The following NTMT1 variants were observed in gnomAD, a reference collection of about 807,000 sequenced individuals.
NTMT1 encodes N-terminal Xaa-Pro-Lys N-methyltransferase 1.
A neutral mutation model predicts 17.5 loss-of-function variants in NTMT1; 8 were observed. The ratio of observed to expected loss-of-function variants is 0.46; its 90% CI spans 0.27 to 0.82. The LOEUF (loss-of-function observed/expected upper bound fraction) is 0.82, where lower values mean the gene tolerates loss of function less well. NTMT1 is among the 40% of genes least tolerant of loss of function. NTMT1 has a pLI of 0.15. For missense variants in NTMT1, 221 were observed against 303.5 expected, an observed-to-expected ratio of 0.73 and a Z score of 2.02; for synonymous variants, 128 against 126.8, an observed-to-expected ratio of 1.01 and a Z score of -0.06.
At chr9:129,625,920 G>T (rs1830867433), upstream of NTMT1, among the ~76,000 whole-genome samples, 2 of 151,452 alleles carry the variant, frequency 1.3e-5, no homozygotes. Context: ...GCTGACGCAG[G>T]AGAATCGCTG....
At chr9:129,611,320 G>A (rs946539758) in intron 1 of NTMT1, among the ~76,000 whole-genome samples, 2 of 152,192 alleles carry the variant, frequency 1.3e-5, no homozygotes, top group African/African-American at 4.8e-5. Context: ...AAGAGGCGGC[G>A]GCTCAAACTT....
At chr9:129,615,589 C>G (rs1438459497) in intron 1 of NTMT1, 2 of 1,606,128 alleles carry the variant, frequency 1.2e-6, no homozygotes, top group Non-Finnish European at 1.7e-6. Flanking sequence ...GAGCCTTCCC[C>G]CGAGGGGTTG....
intron 1 of NTMT1, among the ~76,000 whole-genome samples, chr9:129,611,436 T>C (rs962813640): frequency 2.0e-5 from 3 of 152,174 alleles, no homozygotes; most frequent in African/African-American, 7.2e-5. Context: ...ATCCACCCCC[T>C]CATCCCCAGA....
At chr9:129,635,180 C>CT in intron 3 of NTMT1, 28 bp from the exon 4 acceptor site, 1 of 1,594,742 alleles carries the variant, frequency 6.3e-7, no homozygotes, top group Non-Finnish European at 8.5e-7. Flanking sequence ...GCATGGTGCC[C>CT]TGGTAACCTT....
intron 1 of NTMT1, among the ~76,000 whole-genome samples, chr9:129,631,685 C>T (rs562641985): frequency 1.6e-4 from 24 of 152,300 alleles, no homozygotes; most frequent in Admixed American, 2.0e-4. Flanking sequence ...AACTGGCAGC[C>T]GCGAGGGCTG....
At position 129,619,677 on chromosome 9, in the gene NTMT1, C is replaced by G. The variant is rs529006611; in HGVS notation, c.-55+10499C>G. 3.1e-6 allele frequency: 5 copies of G among 1,609,396 alleles called. No individual in the cohort carries two copies. In the South Asian group the frequency reaches 3.3e-5, roughly 11 times the overall value. ...GCCACATCTGGCATGAGTGGCCAGG[C>G]TGTCCCGCCCTGGAAACATCGATGG... On this transcript the variant is annotated intron_variant, in intron 1 of 3. Transcript: ENST00000372486.
intron 1 of NTMT1, among the ~76,000 whole-genome samples, chr9:129,619,234 C>T (rs10988453): frequency 0.56 from 84,338 of 151,880 alleles, 24,155 homozygotes; most frequent in Non-Finnish European, 0.65. Flanking sequence ...GAGATGGATG[C>T]AAAGATGGAT....
Position 129,635,421 on chromosome 9 carries a change from TC to T in NTMT1, c.633del (p.Asp212MetfsTer11), listed in dbSNP as rs745394326. The T allele has an allele frequency of 1.2e-6, 2 of 1,612,786 alleles. No individual in the cohort carries two copies. Among genetic ancestry groups the T allele is most frequent in the Non-Finnish European group, 1.7e-6 (2 of 1,179,920 alleles). Reference sequence around the variant, plus strand: ...CTGGCCGAGGAGAGGCAGGAGAACCTCCCCGATGAGATCTACCATGTCTATA... The same window carrying T: ...CTGGCCGAGGAGAGGCAGGAGAACCTCCCGATGAGATCTACCATGTCTATA... Reference protein sequence around the residue: ...SLLAEERQENLPDEIYHVYSF... With the variant: ...SLLAEERQENXPDEIYHVYSF... On this transcript the variant is annotated frameshift_variant, in exon 4 of 4. Transcript: ENST00000372483. LOFTEE classifies it high-confidence loss of function.
intron 1 of NTMT1, chr9:129,619,804 C>G: frequency 1.2e-6 from 2 of 1,614,032 alleles, no homozygotes; most frequent in Non-Finnish European, 1.7e-6. Flanking sequence ...TCTAATACAC[C>G]CCTTTGATGT....
Position 129,635,571 on chromosome 9 carries a change from A to G in NTMT1, c.*107A>G. The G allele has an allele frequency of 1.5e-6, 2 of 1,313,210 alleles. No homozygotes were observed. The highest frequency in any genetic ancestry group is 2.1e-6 in the Non-Finnish European group (2 of 953,206). 81.3% of individuals were successfully genotyped at this position (1,313,210 alleles called of 1,614,324 possible). On this transcript the variant is annotated 3_prime_UTR_variant, in exon 4 of 4. Coordinates refer to ENST00000372483, the MANE Select transcript of NTMT1 (RefSeq NM_014064.4). ...GGCGGTTCGTGAGTGTCGAGGCACCACTAAATATAGCTGTCTGCCGTCCAC... is the reference window on the plus strand; with the variant it reads ...GGCGGTTCGTGAGTGTCGAGGCACCGCTAAATATAGCTGTCTGCCGTCCAC...
At chr9:129,634,815 C>T (rs1831426040) in intron 3 of NTMT1, 2 of 255,204 alleles carry the variant, frequency 7.8e-6, no homozygotes, top group Non-Finnish European at 1.5e-5. Context: ...TTTGTGGTCT[C>T]AGAAGCCTTT....
At chr9:129,628,348 A>G (rs926821609) in intron 1 of NTMT1, among the ~76,000 whole-genome samples, 3 of 152,164 alleles carry the variant, frequency 2.0e-5, no homozygotes, top group Non-Finnish European at 4.4e-5. Flanking sequence ...CCCGGCCAGG[A>G]TGTGCCTCCC....
Position 129,620,245 on chromosome 9 carries a change from C to T in NTMT1, c.-55+11067C>T, listed in dbSNP as rs1237000735. Reference sequence around the variant, plus strand: ...GCTGCCTGGGCGCCGATTCCCGGGACGCGCCGGCCGACAGCAGGGGAGGCG... The same window carrying T: ...GCTGCCTGGGCGCCGATTCCCGGGATGCGCCGGCCGACAGCAGGGGAGGCG... On this transcript the variant is annotated intron_variant, in intron 1 of 3. Transcript: ENST00000372486. This position sits in a 1 kb window ranked among gnomAD's most constrained non-coding sequence, Gnocchi z 5.8. 7.5e-7 allele frequency: 1 copy of T among 1,338,240 alleles called. No individual in the cohort carries two copies. The highest frequency in any genetic ancestry group is 9.6e-7 in the Non-Finnish European group (1 of 1,038,652). 82.9% of individuals were successfully genotyped at this position (1,338,240 alleles called of 1,614,324 possible).
chr9:129,620,738 C>T lies in NTMT1; in HGVS notation c.-55+11560C>T, dbSNP rs1830663326. 1.8e-6 allele frequency: 1 copy of T among 554,770 alleles called. No homozygotes were observed. Among genetic ancestry groups the T allele is most frequent in the Non-Finnish European group, 2.7e-6 (1 of 370,336 alleles). The allele number at this position is 554,770 out of a possible 1,614,324, so 34.4% of individuals were successfully genotyped here. A position where few individuals can be genotyped will look rare whatever the true frequency, so the allele number is the denominator to read the frequency against. ...CCGGCGGACAGCGAGTGGCTTCAGG[C>T]GAGAGCTCCCAGAGCCTCTGTTTCC... On this transcript the variant is annotated intron_variant, in intron 1 of 3. Transcript: ENST00000372486. This position sits in a 1 kb window ranked among gnomAD's most constrained non-coding sequence, Gnocchi z 5.8.
intron 1 of NTMT1, among the ~76,000 whole-genome samples, chr9:129,626,712 C>G (rs1310438183): frequency 1.3e-5 from 2 of 152,228 alleles, no homozygotes; most frequent in Non-Finnish European, 2.9e-5. Context: ...TAAGTGCCCG[C>G]TGCACAGAAG....
chr9:129,634,306 G>A lies in NTMT1; in HGVS notation c.415G>A (p.Gly139Ser). Reference sequence around the variant, plus strand: ...CGTGATCTGGATCCAGTGGGTGATAGGTGAGGGTTCCACCGCCCTTCCCTG... The same window carrying A: ...CGTGATCTGGATCCAGTGGGTGATAAGTGAGGGTTCCACCGCCCTTCCCTG... ...YDVIWIQWVI[G>S]HLTDQHLAEF... The change falls in exon 3 of 4, where the codon GGC becomes AGC. Residue 139 changes from glycine to serine, a missense_variant and splice_region_variant. By Grantham distance (56) the Gly-to-Ser change is moderately conservative (BLOSUM62 0). Transcript: ENST00000372483. The A allele has an allele frequency of 6.3e-7, 1 of 1,594,502 alleles. No individual in the cohort carries two copies. Among genetic ancestry groups the A allele is most frequent in the Non-Finnish European group, 8.6e-7 (1 of 1,167,908 alleles).
chr9:129,614,827 G>T lies in NTMT1; in HGVS notation c.-55+5649G>T, dbSNP rs979497169. On this transcript the variant is annotated intron_variant, in intron 1 of 3. Coordinates refer to the NTMT1 transcript ENST00000372486. This position sits in a 1 kb window ranked among gnomAD's most constrained non-coding sequence, Gnocchi z 4.4. ...TGAGGCAGGAGAATGGCATGAACCC[G>T]GGAGGTGGAGCTTGCAGCGAGCCGA... 2.6e-5 allele frequency among the ~76,000 whole-genome samples: 4 copies of T among 152,182 alleles called. No individual in the cohort carries two copies. The highest frequency in any genetic ancestry group is 2.6e-4 in the Admixed American group (4 of 15,280).
At chr9:129,612,566 C>A in intron 1 of NTMT1, 1 of 778,398 alleles carries the variant, frequency 1.3e-6, no homozygotes, top group Non-Finnish European at 2.1e-6. Context: ...GCTGTCAGCC[C>A]CATTTTAAAA....
rs1393143827 is a variant in NTMT1 at position 129,632,826 on chromosome 9, C to T, written c.123C>T (p.Asp41=). ...LGGYGHISSI[D]INSSRKFLQR... is the part of the protein sequence containing the mutation. ...GGTATGGCCACATCTCCAGCATCGA[C>T]ATCAACAGCTCCCGGAAGTTTCTGC... The change falls in exon 2 of 4, where the codon GAC becomes GAT. Residue 41 remains aspartate (D), a synonymous_variant. Transcript: ENST00000372483. 6.2e-7 allele frequency: 1 copy of T among 1,614,182 alleles called. No individual in the cohort carries two copies. The highest frequency in any genetic ancestry group is 1.7e-5 in the Admixed American group (1 of 60,024).
Sources: gnomAD v4.1 joint callset for allele counts (sites outside exome capture counted in the v4.1 genomes callset) on GRCh38, gnomAD v4.1.1 for gene constraint, Gnocchi (gnomAD v3.1) non-coding constraint, MANE v1.5 for transcripts, NCBI Gene and HGNC (gene_info 2026-07-23, HGNC 2026-07-21) for gene names.